Variants in CTNNA3 observed in about 807,000 individuals in gnomAD.
CTNNA3 encodes catenin alpha 3, also known as catenin alpha-3.
Under a neutral mutation model 95.7 loss-of-function variants are expected in CTNNA3, and 76 were observed. The ratio of observed to expected loss-of-function variants is 0.79; its 90% CI spans 0.66 to 0.96. The LOEUF is 0.96. Ranked by LOEUF, CTNNA3 falls within the 40% of genes least tolerant of loss-of-function variation. CTNNA3 has a pLI of 0.00. For synonymous variants in CTNNA3, 431 were observed against 374.4 expected (o/e 1.15, Z -1.74); for missense variants, 1,191 against 1,089.8 (o/e 1.09, Z -1.31).
intron 7 of CTNNA3, among the ~76,000 whole-genome samples, chr10:66,808,382 T>G (rs1841740006): frequency 6.6e-6 from 1 of 152,142 alleles, no homozygotes. Context: ...AAAAGCACAC[T>G]GCTAAAAAGA....
At chr10:66,719,319 T>A (rs1204210039) in intron 9 of CTNNA3, among the ~76,000 whole-genome samples, 2 of 152,176 alleles carry the variant, frequency 1.3e-5, no homozygotes, top group African/African-American at 2.4e-5. Flanking sequence ...ATCTGATTTA[T>A]ATTAAGTGTT....
At chr10:66,443,561 A>T (rs1284413386) in intron 11 of CTNNA3, among the ~76,000 whole-genome samples, 2 of 152,160 alleles carry the variant, frequency 1.3e-5, no homozygotes, top group Non-Finnish European at 2.9e-5. Flanking sequence ...CCCAGGCAAA[A>T]AGGGTCTGGA....
intron 12 of CTNNA3, among the ~76,000 whole-genome samples, chr10:66,334,313 T>C (rs1334893248): frequency 1.3e-5 from 2 of 152,126 alleles, no homozygotes; most frequent in African/African-American, 4.8e-5. Context: ...ATGTAGTTTC[T>C]TCCTAGCCTC....
chr10:66,696,862 C>A (rs983826931), intron 9 of CTNNA3, among the ~76,000 whole-genome samples: 1 of 151,952 alleles, frequency 6.6e-6, no homozygotes, highest in Non-Finnish European at 1.5e-5. Context: ...TCACATGATC[C>A]CAGGAGGTTG....
intron 5 of CTNNA3, among the ~76,000 whole-genome samples, chr10:67,521,411 A>C (rs1400194982): frequency 2.0e-5 from 3 of 152,172 alleles, no homozygotes; most frequent in Middle Eastern, 3.2e-3. Context: ...ATCAATTCAT[A>C]TTTTGGCATA....
intron 7 of CTNNA3, among the ~76,000 whole-genome samples, chr10:66,797,216 A>G (rs931096139): frequency 4.6e-5 from 7 of 152,022 alleles, no homozygotes; most frequent in African/African-American, 1.7e-4. Context: ...TACTACAGAG[A>G]GTACATATTT....
In CTNNA3 at chr10:66,122,060, G is replaced by T. The variant is rs192078051; in HGVS notation, c.1885-18811C>A. 5.3e-5 allele frequency among the ~76,000 whole-genome samples: 8 copies of T among 152,082 alleles called. No homozygotes were observed. In the East Asian group the frequency reaches 7.7e-4, roughly 15 times the overall value. The stretch of plus-strand genomic sequence containing the variant: ...ACCAGTGTTATACTTATCAGGCAGA[G>T]AATTTAAAATACTACTCTTAATAAA... On this transcript the variant is annotated intron_variant, in intron 13 of 17. Transcript: ENST00000433211.
intron 12 of CTNNA3, among the ~76,000 whole-genome samples, chr10:66,296,390 T>G (rs528902580): frequency 7.2e-5 from 11 of 152,264 alleles, no homozygotes; most frequent in African/African-American, 2.6e-4. Context: ...GACTATGAAG[T>G]CTTCTAAACA....
intron 7 of CTNNA3, among the ~76,000 whole-genome samples, chr10:67,030,549 A>G (rs1853651279): frequency 6.7e-6 from 1 of 150,060 alleles, no homozygotes. Flanking sequence ...GTGATTTTAC[A>G]TATTGTATAT....
chr10:67,559,016 C>T (rs908304693), intron 3 of CTNNA3, among the ~76,000 whole-genome samples: 1 of 152,224 alleles, frequency 6.6e-6, no homozygotes, highest in Non-Finnish European at 1.5e-5. Context: ...CACCACAGCT[C>T]AAGGAGGCCT....
chr10:66,458,108 T>C (rs530893926), intron 11 of CTNNA3, among the ~76,000 whole-genome samples: 37 of 152,154 alleles, frequency 2.4e-4, no homozygotes, highest in Non-Finnish European at 4.6e-4. Context: ...ACCCCTCTCC[T>C]GGGATTAGAG....
At chr10:66,273,528 A>C (rs2091326506) in intron 13 of CTNNA3, among the ~76,000 whole-genome samples, 1 of 152,192 alleles carries the variant, frequency 6.6e-6, no homozygotes, top group Non-Finnish European at 1.5e-5. Context: ...ACAACAACAA[A>C]ATGACATGAC....
rs553974134 is a variant in CTNNA3, at chr10:67,629,423, G to C, written c.99+17992C>G. Among the ~76,000 whole-genome samples, 9 of 152,262 alleles carry C rather than the reference G, an allele frequency of 5.9e-5. No homozygotes were observed. The East Asian group carries it at 1.5e-3, about 26-fold the overall frequency. Reference sequence around the variant, plus strand: ...ATCCACCAGCAATAAGCTGAAGCCAGACAAAACTGGAATACACGGCAGATA... The same window carrying C: ...ATCCACCAGCAATAAGCTGAAGCCACACAAAACTGGAATACACGGCAGATA... On this transcript the variant is annotated intron_variant, in intron 2 of 17. Transcript: ENST00000433211.
chr10:67,414,647 C>A (rs953567172), intron 5 of CTNNA3, among the ~76,000 whole-genome samples: 1 of 152,188 alleles, frequency 6.6e-6, no homozygotes, highest in South Asian at 2.1e-4. Flanking sequence ...AAACTTCAGA[C>A]TAATATCCCT....
intron 11 of CTNNA3, among the ~76,000 whole-genome samples, chr10:66,479,484 A>T: frequency 6.6e-6 from 1 of 152,024 alleles, no homozygotes; most frequent in Non-Finnish European, 1.5e-5. Context: ...CAATACACAA[A>T]TTTTTGGAAA....
At chr10:67,734,632 G>C (rs1175398677) in intron 1 of CTNNA3, among the ~76,000 whole-genome samples, 1 of 152,140 alleles carries the variant, frequency 6.6e-6, no homozygotes. Context: ...CAAAGCTCTA[G>C]AGAAGCAGAT....
intron 3 of CTNNA3, among the ~76,000 whole-genome samples, chr10:67,604,694 TAAAAGTTTTAG>T (rs1564776547): frequency 6.6e-6 from 1 of 152,066 alleles, no homozygotes; most frequent in African/African-American, 2.4e-5. Flanking sequence ...GAACCTAAAA[TAAAAGTTTTAG>T]AAAAGTTTTT....
intron 12 of CTNNA3, among the ~76,000 whole-genome samples, chr10:66,346,230 TATATATATATATATATAGAG>T (rs1399948187): frequency 0.019 from 1,229 of 64,996 alleles, 8 homozygotes; most frequent in South Asian, 0.025. Flanking sequence ...TATATATATA[TATATATATATATATATAGAG>T]AGAGAGAGAG....
chr10:66,176,563 C>T (rs1372845582), intron 13 of CTNNA3, among the ~76,000 whole-genome samples: 1 of 151,876 alleles, frequency 6.6e-6, no homozygotes, highest in Non-Finnish European at 1.5e-5. Flanking sequence ...ATTTGTGTCC[C>T]CCTAAAATTC....
Sources: allele counts gnomAD v4.1 joint callset (sites outside exome capture counted in the v4.1 genomes callset), GRCh38; gene constraint gnomAD v4.1.1; transcripts MANE v1.5; gene names NCBI Gene and HGNC (gene_info 2026-07-23, HGNC 2026-07-21).